Variants in MVB12B observed in about 807,000 individuals in gnomAD.
MVB12B encodes ESCRT-I complex subunit MVB12B.
MVB12B carries 16 observed loss-of-function variants against 41.6 expected under a neutral mutation model. The observed-to-expected ratio is 0.38, with a 90% CI of 0.26 to 0.58. The LOEUF is 0.58. Ranked by LOEUF, MVB12B falls within the 20% of genes least tolerant of loss-of-function variation. The pLI is 0.62. For synonymous variants in MVB12B, 133 were observed against 139.7 expected (o/e 0.95, Z 0.34); for missense variants, 274 against 380.2 (o/e 0.72, Z 2.32).
intron 1 of MVB12B, among the ~76,000 whole-genome samples, chr9:126,332,585 G>A (rs540880716): frequency 1.3e-3 from 193 of 152,296 alleles, no homozygotes; most frequent in African/African-American, 3.6e-3. Context: ...TCACCCCTGG[G>A]GTCATGGTGT....
At chr9:126,454,498 C>T (rs1371298303) in intron 7 of MVB12B, among the ~76,000 whole-genome samples, 5 of 152,236 alleles carry the variant, frequency 3.3e-5, no homozygotes, top group Admixed American at 6.5e-5. Flanking sequence ...GCTCAGTAAG[C>T]GGGACACCCA....
intron 1 of MVB12B, among the ~76,000 whole-genome samples, chr9:126,332,045 G>A (rs1216908172): frequency 6.6e-6 from 1 of 152,184 alleles, no homozygotes; most frequent in African/African-American, 2.4e-5. Flanking sequence ...GTTTTCTTAA[G>A]CATTTTATAA....
intron 7 of MVB12B, chr9:126,448,292 C>T: frequency 6.6e-6 from 1 of 152,466 alleles, no homozygotes; most frequent in South Asian, 2.1e-4. Flanking sequence ...TCAGAGTTTC[C>T]CTGCCCAGGG....
At chr9:126,429,666 C>G (rs758463606) in intron 7 of MVB12B, among the ~76,000 whole-genome samples, 3 of 152,192 alleles carry the variant, frequency 2.0e-5, no homozygotes, top group African/African-American at 7.2e-5. Context: ...TTAACCCTTT[C>G]GAAATGCAAA....
At chr9:126,470,656 G>GTGTT (rs1469705604) in intron 7 of MVB12B, among the ~76,000 whole-genome samples, 2 of 138,722 alleles carry the variant, frequency 1.4e-5, no homozygotes, top group African/African-American at 5.2e-5. Flanking sequence ...CTGTGTGTGT[G>GTGTT]TGTGTGTGTG....
At chr9:126,456,922 C>T (rs1301136578) in intron 7 of MVB12B, among the ~76,000 whole-genome samples, 2 of 152,170 alleles carry the variant, frequency 1.3e-5, no homozygotes, top group African/African-American at 4.8e-5. Flanking sequence ...TGGGAGTCTA[C>T]GTATGGGCCC....
At chr9:126,430,050 T>C (rs1048050960) in intron 7 of MVB12B, among the ~76,000 whole-genome samples, 2 of 152,220 alleles carry the variant, frequency 1.3e-5, no homozygotes, top group Non-Finnish European at 2.9e-5. Context: ...CCTTCTGGGC[T>C]GCAGTCTGGC....
chr9:126,340,549 CT>C lies in MVB12B; in HGVS notation c.125del (p.Leu42CysfsTer27), dbSNP rs752148316. 9 of 1,614,200 alleles carry C rather than the reference CT, an allele frequency of 5.6e-6. No individual in the cohort carries two copies. Among genetic ancestry groups the C allele is most frequent in the Non-Finnish European group, 7.6e-6 (9 of 1,180,022 alleles). On this transcript the variant is annotated frameshift_variant, in exon 2 of 10. Transcript: ENST00000361171. LOFTEE classifies it high-confidence loss of function. The surrounding 1 kb of genome is among the most constrained non-coding windows in gnomAD (Gnocchi z 4.0). Reference sequence around the variant, plus strand: ...CTGAAGTCAAAGACCTCTCAGAAGCCTTGCCAGAAACGTCAATGGATCCCAT... The same window carrying C: ...CTGAAGTCAAAGACCTCTCAGAAGCCTGCCAGAAACGTCAATGGATCCCAT... ...MPEVKDLSEA[L>X]PETSMDPITG...
intron 7 of MVB12B, among the ~76,000 whole-genome samples, chr9:126,438,216 GC>G (rs1292645773): frequency 6.6e-6 from 1 of 152,172 alleles, no homozygotes; most frequent in East Asian, 1.9e-4. Flanking sequence ...TAAGGGAGGA[GC>G]CTTCTTTTAA....
chr9:126,397,057 C>A, intron 6 of MVB12B: 7 of 985,510 alleles, frequency 7.1e-6, no homozygotes, highest in Non-Finnish European at 8.4e-6. Context: ...ACCTGTGTGT[C>A]GGGGTCCTCC....
intron 2 of MVB12B, among the ~76,000 whole-genome samples, chr9:126,351,647 G>A (rs1037385564): frequency 2.0e-5 from 3 of 152,030 alleles, no homozygotes; most frequent in Admixed American, 6.6e-5. Context: ...GTGCCACCAT[G>A]CCCAGCTAAT....
intron 2 of MVB12B, among the ~76,000 whole-genome samples, chr9:126,345,526 G>A (rs1005442662): frequency 6.6e-6 from 1 of 152,200 alleles, no homozygotes; most frequent in Admixed American, 6.5e-5. Flanking sequence ...TTGCACCTTC[G>A]GGCATATCTA....
chr9:126,461,825 A>G (rs1424423893), intron 7 of MVB12B, among the ~76,000 whole-genome samples: 1 of 145,226 alleles, frequency 6.9e-6, no homozygotes, highest in East Asian at 2.2e-4. Flanking sequence ...CTGGCTGGCC[A>G]GCGCTGGGAG....
intron 3 of MVB12B, 112 bp downstream of exon 3, chr9:126,381,283 T>C (rs1564299801): frequency 8.0e-6 from 6 of 754,490 alleles, no homozygotes; most frequent in African/African-American, 1.7e-5. Flanking sequence ...CCATATTAAT[T>C]TATCTGTGGT....
At chr9:126,440,123 C>T (rs750127256) in intron 7 of MVB12B, among the ~76,000 whole-genome samples, 6 of 152,160 alleles carry the variant, frequency 3.9e-5, no homozygotes, top group Non-Finnish European at 5.9e-5. Context: ...TGCAGACACT[C>T]GAGGGTCAGC....
At chr9:126,439,503 C>G (rs1039223224) in intron 7 of MVB12B, among the ~76,000 whole-genome samples, 1 of 152,220 alleles carries the variant, frequency 6.6e-6, no homozygotes, top group Non-Finnish European at 1.5e-5. Context: ...TGTATCTACT[C>G]TGGTCTTGAA....
intron 6 of MVB12B, among the ~76,000 whole-genome samples, chr9:126,408,752 T>C (rs553616167): frequency 6.6e-6 from 1 of 152,190 alleles, no homozygotes; most frequent in African/African-American, 2.4e-5. Flanking sequence ...ATGTGTTGTT[T>C]TTGGTCACGT....
chr9:126,496,711 G>A (rs1415183624), intron 9 of MVB12B, among the ~76,000 whole-genome samples: 1 of 152,008 alleles, frequency 6.6e-6, no homozygotes, highest in Non-Finnish European at 1.5e-5. Flanking sequence ...GGAGAGGAGA[G>A]AGAACCATGC....
At chr9:126,357,605 C>CT (rs59206270) in intron 2 of MVB12B, among the ~76,000 whole-genome samples, 4,937 of 142,932 alleles carry the variant, frequency 0.035, 102 homozygotes, top group Non-Finnish European at 0.053. Flanking sequence ...TGATTTTGAG[C>CT]TTTTTTTTTT....
Sources: gnomAD v4.1 joint callset for allele counts (sites outside exome capture counted in the v4.1 genomes callset) on GRCh38, gnomAD v4.1.1 for gene constraint, Gnocchi (gnomAD v3.1) non-coding constraint, MANE v1.5 for transcripts, NCBI Gene and HGNC (gene_info 2026-07-23, HGNC 2026-07-21) for gene names.